The following WIZ variants were observed in gnomAD, a reference collection of about 807,000 sequenced individuals.
WIZ encodes WIZ zinc finger.
A neutral mutation model predicts 140.2 loss-of-function variants in WIZ; 25 were observed. That is an observed-to-expected ratio of 0.18 (90% CI 0.13 to 0.25). WIZ has a LOEUF of 0.25. Ranked by LOEUF, WIZ falls within the 10% of genes least tolerant of loss-of-function variation. WIZ has a pLI of 1.00. For missense variants in WIZ, 2,231 were observed against 2,632.6 expected, an observed-to-expected ratio of 0.85 and a Z score of 3.34; for synonymous variants, 1,125 against 1,154.3, an observed-to-expected ratio of 0.97 and a Z score of 0.51.
chr19:15,443,186 C>T (rs1040301553), intron 2 of WIZ, among the ~76,000 whole-genome samples: 8 of 152,224 alleles, frequency 5.3e-5, no homozygotes, highest in Non-Finnish European at 2.9e-5. Context: ...ATTCTCCTAC[C>T]TTAGCCTCCT....
intron 5 of WIZ, chr19:15,432,288 G>C (rs1969298238): frequency 8.1e-6 from 2 of 246,576 alleles, no homozygotes; most frequent in Non-Finnish European, 1.3e-5. Context: ...TGCGAGCGGC[G>C]ACAGAAGGCC....
rs1056934298 is a variant in WIZ at position 15,442,003 on chromosome 19, A to G, written c.278+673T>C. On this transcript the variant is annotated intron_variant, in intron 3 of 12. Transcript: ENST00000673675. This position sits in a 1 kb window ranked among gnomAD's most constrained non-coding sequence, Gnocchi z 5.5. ...GGAGTTCTCGACCAGCCTGACCAAT[A>G]TGGTGAAACCCCATCTCTACTAAAA... 1.1e-4 allele frequency among the ~76,000 whole-genome samples: 16 copies of G among 152,172 alleles called. No homozygotes were observed. The highest frequency in any genetic ancestry group is 3.6e-4 in the African/African-American group (15 of 41,510).
intron 5 of WIZ, among the ~76,000 whole-genome samples, chr19:15,434,449 G>A (rs1338140048): frequency 4.0e-5 from 6 of 151,460 alleles, no homozygotes; most frequent in Non-Finnish European, 8.8e-5. Flanking sequence ...TGTAGTCCCA[G>A]CTACTCGGGA....
intron 5 of WIZ, chr19:15,433,494 C>T (rs1969395572): frequency 6.7e-6 from 2 of 300,422 alleles, no homozygotes; most frequent in South Asian, 2.6e-4. Flanking sequence ...AAGATCTTCC[C>T]AATCACTCCC....
intron 9 of WIZ, 131 bp downstream of exon 9, chr19:15,426,851 A>G (rs2145236092): frequency 9.4e-7 from 1 of 1,069,442 alleles, no homozygotes; most frequent in East Asian, 2.4e-5. Flanking sequence ...ATACACAGCT[A>G]ACCCTGTGTC....
chr19:15,437,003 C>T lies in WIZ; in HGVS notation c.2543G>A (p.Trp848Ter). ...GTTGATGGGTGAGACAGTGAGCTCCCAGTTGGTGATACCGAAGTCACGTAG... is the reference window on the plus strand; with the variant it reads ...GTTGATGGGTGAGACAGTGAGCTCCTAGTTGGTGATACCGAAGTCACGTAG... ...AHLRDFGITNWELTVSPINIL... is the reference protein window; with the variant it reads ...AHLRDFGITN The change falls in exon 5 of 13, where the codon TGG becomes TAG. Residue 848 changes from tryptophan to a stop codon, truncating the protein, a stop_gained. Transcript: ENST00000673675. LOFTEE classifies it high-confidence loss of function. The T allele has an allele frequency of 6.2e-7, 1 of 1,613,870 alleles. No individual in the cohort carries two copies. The highest frequency in any genetic ancestry group is 8.5e-7 in the Non-Finnish European group (1 of 1,179,874).
chr19:15,427,646 G>T lies in WIZ; in HGVS notation c.3815-113C>A. Reference sequence around the variant, plus strand: ...CGGCAGCAGCACGCCCACAGGTTAGGGTGGTGAGGGCAGGTGCAGGTAAGG... The same window carrying T: ...CGGCAGCAGCACGCCCACAGGTTAGTGTGGTGAGGGCAGGTGCAGGTAAGG... On this transcript the variant is annotated intron_variant, in intron 8 of 12. Coordinates refer to ENST00000673675, the MANE Select transcript of WIZ (RefSeq NM_001371589.1). The surrounding 1 kb of genome is among the most constrained non-coding windows in gnomAD (Gnocchi z 6.4). 3 of 1,218,514 alleles carry T rather than the reference G, an allele frequency of 2.5e-6. No individual in the cohort carries two copies. The highest frequency in any genetic ancestry group is 3.4e-6 in the Non-Finnish European group (3 of 892,882). The allele number at this position is 1,218,514 out of a possible 1,614,324, so 75.5% of individuals were successfully genotyped here.
rs137892519 is a variant in WIZ at position 15,427,439 on chromosome 19, A to G, written c.3909T>C (p.His1303=). 694 of 1,613,630 alleles carry G rather than the reference A, an allele frequency of 4.3e-4. 3 individuals carry two copies. The African/African-American group carries it at 8.3e-3, about 19-fold the overall frequency. ...ACTCGGTCACGCCCATTTGCCGCAGATGGGAGCGCGCGTGGCTCGAGAGGC... is the reference window on the plus strand; with the variant it reads ...ACTCGGTCACGCCCATTTGCCGCAGGTGGGAGCGCGCGTGGCTCGAGAGGC... The part of the protein sequence containing the change: ...RKGLSSHARS[H]LRQMGVTEWY... The change falls in exon 9 of 13, where the codon CAT becomes CAC. Residue 1303 remains histidine (H), a synonymous_variant. Transcript: ENST00000673675. This position sits in a 1 kb window ranked among gnomAD's most constrained non-coding sequence, Gnocchi z 6.4.
At chr19:15,445,368 A>G (rs188607037) in intron 2 of WIZ, among the ~76,000 whole-genome samples, 66 of 152,284 alleles carry the variant, frequency 4.3e-4, no homozygotes, top group African/African-American at 1.5e-3. Context: ...CCGCTGTGCA[A>G]TGGGAACAGC....
chr19:15,446,847 C>T (rs1201899978), intron 2 of WIZ, among the ~76,000 whole-genome samples: 1 of 152,244 alleles, frequency 6.6e-6, no homozygotes, highest in Non-Finnish European at 1.5e-5. Context: ...TGCTCAGTCA[C>T]CGCTGTGCCC....
At chr19:15,430,729 T>A (rs1206350806) in intron 6 of WIZ, among the ~76,000 whole-genome samples, 1 of 126,146 alleles carries the variant, frequency 7.9e-6, no homozygotes, top group Non-Finnish European at 1.7e-5. Context: ...AAAGGCCAGA[T>A]TCAGCAAATG....
At position 15,427,907 on chromosome 19, in the gene WIZ, C is replaced by T. The variant is rs749919820; in HGVS notation, c.3814+203G>A. Among the ~76,000 whole-genome samples, 1 of 152,216 alleles carries T rather than the reference C, an allele frequency of 6.6e-6. No homozygotes were observed. Among genetic ancestry groups the T allele is most frequent in the Non-Finnish European group, 1.5e-5 (1 of 68,036 alleles). ...GGCAGGATCTCCCCACCTTGGCCTT[C>T]ATTCTCAGGAAGGGTCATGGAGGTC... On this transcript the variant is annotated intron_variant, in intron 8 of 12. Transcript: ENST00000673675. The surrounding 1 kb of genome is among the most constrained non-coding windows in gnomAD (Gnocchi z 6.4).
rs1368116192 is a variant in WIZ, at chr19:15,449,691, G to C, written c.-61+107C>G. On this transcript the variant is annotated intron_variant, in intron 1 of 12. Coordinates refer to ENST00000673675, the MANE Select transcript of WIZ (RefSeq NM_001371589.1). ...CCCCGCCCCTGAAGGCCCCGCCCCC[G>C]CCCCCGCCCCGGGGGGTCCCGCCTG... 4.8e-4 allele frequency: 14 copies of C among 28,970 alleles called. No individual in the cohort carries two copies. In the Admixed American group the frequency reaches 5.4e-3, roughly 11 times the overall value. The allele number at this position is 28,970 out of a possible 1,614,324, so 1.8% of individuals were successfully genotyped here. A position where few individuals can be genotyped will look rare whatever the true frequency, so the allele number is the denominator to read the frequency against.
intron 2 of WIZ, among the ~76,000 whole-genome samples, chr19:15,446,257 T>C (rs1035087326): frequency 2.0e-5 from 3 of 152,024 alleles, no homozygotes; most frequent in Non-Finnish European, 4.4e-5. Flanking sequence ...TTTTCCCCTC[T>C]CCCCAGACCT....
rs1415903268 is a variant in WIZ at position 15,422,893 on chromosome 19, G to A, written c.*183C>T. On this transcript the variant is annotated 3_prime_UTR_variant, in exon 13 of 13. Transcript: ENST00000673675. ...GTGGCCCCAGAGTCCTCGGGCTGGG[G>A]GAAGGGCAGCTAGCTGGCTCCCGGC... The A allele has an allele frequency of 3.5e-6, 3 of 855,342 alleles. No homozygotes were observed. The highest frequency in any genetic ancestry group is 5.2e-6 in the Non-Finnish European group (3 of 573,964). The allele number at this position is 855,342 out of a possible 1,614,324, so 53.0% of individuals were successfully genotyped here.
At chr19:15,441,468 G>A (rs1438887210) in intron 3 of WIZ, among the ~76,000 whole-genome samples, 1 of 152,234 alleles carries the variant, frequency 6.6e-6, no homozygotes, top group Non-Finnish European at 1.5e-5. Flanking sequence ...CAAGGCAGGT[G>A]CTTCTTTAAA....
chr19:15,431,971 T>G (rs769736294), intron 5 of WIZ, among the ~76,000 whole-genome samples: 6 of 152,118 alleles, frequency 3.9e-5, no homozygotes, highest in Non-Finnish European at 5.9e-5. Context: ...CTGTGCCAAA[T>G]GGGGCCTTGG....
chr19:15,431,896 G>A (rs1396644360), intron 5 of WIZ, among the ~76,000 whole-genome samples: 2 of 152,268 alleles, frequency 1.3e-5, no homozygotes, highest in Admixed American at 1.3e-4. Context: ...ACGTCTAGTT[G>A]TTCAAAGGGG....
chr19:15,431,205 C>G, intron 5 of WIZ, 23 bp from the exon 6 acceptor site: 1 of 1,489,056 alleles, frequency 6.7e-7, no homozygotes, highest in Non-Finnish European at 8.9e-7. Flanking sequence ...GAGACAGGCT[C>G]AGCCCAGACA....
Sources: allele counts gnomAD v4.1 joint callset (sites outside exome capture counted in the v4.1 genomes callset), GRCh38; gene constraint gnomAD v4.1.1; non-coding constraint Gnocchi (gnomAD v3.1); transcripts MANE v1.5; gene names NCBI Gene and HGNC (gene_info 2026-07-23, HGNC 2026-07-21).